PCDHA12: variants seen among roughly 807,000 people sequenced by gnomAD.
The protein encoded by PCDHA12 is protocadherin alpha-12.
PCDHA12 carries 44 observed loss-of-function variants against 60.0 expected under a neutral mutation model. The observed-to-expected ratio is 0.73, with a 90% CI of 0.58 to 0.94. The LOEUF is 0.94. Ranked by LOEUF, PCDHA12 falls within the 40% of genes least tolerant of loss-of-function variation. PCDHA12 has a pLI of 0.00. For synonymous variants in PCDHA12, 569 were observed against 553.0 expected (o/e 1.03, Z -0.40); for missense variants, 1,276 against 1,239.7 (o/e 1.03, Z -0.44).
intron 1 of PCDHA12, among the ~76,000 whole-genome samples, chr5:140,973,451 G>A (rs1317548382): frequency 2.0e-5 from 3 of 152,172 alleles, no homozygotes; most frequent in African/African-American, 7.2e-5. Context: ...TATAATGACT[G>A]GGGCTGTTTT....
chr5:140,876,815 T>A lies in PCDHA12; in HGVS notation c.1343T>A (p.Val448Glu). ...AGAGTGTCCGTGGAGGTGGCCGACG[T>A]GAACGACAATGCGCCTGCGTTCGCG... ...TARVSVEVADVNDNAPAFAQP... is the reference protein window; with the variant it reads ...TARVSVEVADENDNAPAFAQP... Residue 448 changes from valine (V) to glutamate (E), a missense_variant, in exon 1 of 4, where the codon GTG becomes GAG. Coordinates refer to ENST00000398631, the MANE Select transcript of PCDHA12 (RefSeq NM_018903.4). 2 of 1,614,148 alleles carry A rather than the reference T, an allele frequency of 1.2e-6. No homozygotes were observed. The highest frequency in any genetic ancestry group is 1.7e-6 in the Non-Finnish European group (2 of 1,180,024).
intron 1 of PCDHA12, chr5:140,882,457 G>C: frequency 1.2e-6 from 2 of 1,614,056 alleles, no homozygotes; most frequent in Non-Finnish European, 1.7e-6. Context: ...TGCCGCGCCT[G>C]TTCCGGGTGG....
At chr5:140,966,730 C>T in intron 1 of PCDHA12, 1 of 1,405,456 alleles carries the variant, frequency 7.1e-7, no homozygotes, top group Non-Finnish European at 9.2e-7. Context: ...CTGCCGCCTC[C>T]GGCCCTGCCC....
At chr5:140,981,077 G>C (rs1178580802) in intron 2 of PCDHA12, among the ~76,000 whole-genome samples, 1 of 152,168 alleles carries the variant, frequency 6.6e-6, no homozygotes, top group Non-Finnish European at 1.5e-5. Flanking sequence ...GGGAAGAATA[G>C]TAAAAGGTCA....
intron 1 of PCDHA12, among the ~76,000 whole-genome samples, chr5:140,909,201 C>T (rs1379290108): frequency 2.0e-5 from 3 of 152,136 alleles, no homozygotes; most frequent in South Asian, 2.1e-4. Context: ...GACACAAAGC[C>T]GGAGAGTTGA....
intron 1 of PCDHA12, among the ~76,000 whole-genome samples, chr5:140,879,438 A>C (rs2057989809): frequency 6.6e-6 from 1 of 152,214 alleles, no homozygotes; most frequent in South Asian, 2.1e-4. Context: ...ACATTTAAGA[A>C]AATGTTACTT....
chr5:140,972,152 A>AT (rs1203762947), intron 1 of PCDHA12, among the ~76,000 whole-genome samples: 3 of 151,770 alleles, frequency 2.0e-5, no homozygotes, highest in East Asian at 3.9e-4. Context: ...TTTTATTTTT[A>AT]TTTTTTTGAG....
intron 1 of PCDHA12, among the ~76,000 whole-genome samples, chr5:140,901,405 G>C (rs1366026091): frequency 6.6e-6 from 1 of 152,128 alleles, no homozygotes; most frequent in Non-Finnish European, 1.5e-5. Context: ...TGAGAGATAG[G>C]GGTCTAGTTT....
intron 1 of PCDHA12, among the ~76,000 whole-genome samples, chr5:140,958,881 A>G (rs565016962): frequency 2.0e-5 from 3 of 152,092 alleles, no homozygotes; most frequent in Non-Finnish European, 2.9e-5. Flanking sequence ...AGAATTGACC[A>G]GTAGCTATAT....
At chr5:140,954,014 A>T (rs782347890) in intron 1 of PCDHA12, among the ~76,000 whole-genome samples, 1 of 152,038 alleles carries the variant, frequency 6.6e-6, no homozygotes, top group Non-Finnish European at 1.5e-5. Context: ...CAGCTCCCAC[A>T]CATAGTGGGA....
chr5:140,993,293 A>T (rs1445204823), intron 3 of PCDHA12, among the ~76,000 whole-genome samples: 1 of 152,062 alleles, frequency 6.6e-6, no homozygotes, highest in Non-Finnish European at 1.5e-5. Context: ...CAGGGTCACA[A>T]CCTTGCCTCC....
intron 1 of PCDHA12, among the ~76,000 whole-genome samples, chr5:140,972,633 T>G (rs1230723429): frequency 6.6e-6 from 1 of 151,644 alleles, no homozygotes; most frequent in Non-Finnish European, 1.5e-5. Context: ...TGGCACTCCC[T>G]TCAGAGTCTC....
At chr5:140,928,123 T>C in intron 1 of PCDHA12, 1 of 1,614,200 alleles carries the variant, frequency 6.2e-7, no homozygotes, top group Non-Finnish European at 8.5e-7. Context: ...GATCAGTGAA[T>C]ACCAAGTCCT....
intron 1 of PCDHA12, among the ~76,000 whole-genome samples, chr5:140,972,550 A>G (rs534377572): frequency 6.6e-6 from 1 of 152,114 alleles, no homozygotes; most frequent in Admixed American, 6.5e-5. Context: ...TGCAGTGAGG[A>G]TTCTGAAGTA....
At chr5:141,009,462 A>G (rs1279658091) in intron 3 of PCDHA12, 165 bp from the exon 4 acceptor site, 2 of 954,512 alleles carry the variant, frequency 2.1e-6, no homozygotes, top group Non-Finnish European at 2.5e-6. Flanking sequence ...TAAACAAATA[A>G]ATAAATAAGT....
rs781852534 is a variant in PCDHA12, at chr5:140,982,552, G to T, written c.2504G>T (p.Ser835Ile). 1 of 1,614,168 alleles carries T rather than the reference G, an allele frequency of 6.2e-7. No individual in the cohort carries two copies. The highest frequency in any genetic ancestry group is 2.2e-5 in the East Asian group (1 of 44,892). ...GATCAGCAGTGGCCAACAGTATCCAGTGCAACACCAGGTAAAGAGCTGGGG... is the reference window on the plus strand; with the variant it reads ...GATCAGCAGTGGCCAACAGTATCCATTGCAACACCAGGTAAAGAGCTGGGG... The part of the protein sequence containing the change: ...GPDQQWPTVS[S>I]ATPEPEAGEV... Residue 835 changes from serine (S) to isoleucine (I), a missense_variant, in exon 3 of 4, where the codon AGT (serine) becomes ATT (isoleucine). Physicochemically the swap from Ser to Ile is moderately radical, Grantham distance 142. Coordinates refer to ENST00000398631, the MANE Select transcript of PCDHA12 (RefSeq NM_018903.4).
intron 1 of PCDHA12, chr5:140,884,006 C>T (rs369069323): frequency 1.2e-6 from 2 of 1,612,906 alleles, no homozygotes; most frequent in African/African-American, 2.7e-5. Context: ...AGTGAGCGAG[C>T]TGATGCCGCG....
At chr5:140,989,531 G>C (rs782610172) in intron 3 of PCDHA12, among the ~76,000 whole-genome samples, 1 of 152,198 alleles carries the variant, frequency 6.6e-6, no homozygotes, top group Non-Finnish European at 1.5e-5. Flanking sequence ...AGAGGAGGAA[G>C]ATAGTTTGTA....
chr5:140,929,364 A>C (rs782443919), intron 1 of PCDHA12: 3 of 1,521,318 alleles, frequency 2.0e-6, no homozygotes, highest in Admixed American at 2.2e-5. Flanking sequence ...TTTGGCCCGG[A>C]GATGGCTGCT....
Sources: gnomAD v4.1 joint callset for allele counts (sites outside exome capture counted in the v4.1 genomes callset) on GRCh38, gnomAD v4.1.1 for gene constraint, MANE v1.5 for transcripts, NCBI Gene and HGNC (gene_info 2026-07-23, HGNC 2026-07-21) for gene names.